KIAA1217: variants seen among roughly 807,000 people sequenced by gnomAD.
KIAA1217 encodes sickle tail protein homolog.
Under a neutral mutation model 163.9 loss-of-function variants are expected in KIAA1217, and 88 were observed. The observed-to-expected ratio is 0.54, with a 90% CI of 0.45 to 0.64. The LOEUF (loss-of-function observed/expected upper bound fraction) is 0.64. Among genes scored for constraint, KIAA1217 ranks in the 30% least tolerant of loss-of-function variants. KIAA1217 has a pLI of 0.00. For synonymous variants in KIAA1217, 903 were observed against 923.1 expected (o/e 0.98, Z 0.39); for missense variants, 2,372 against 2,475.0 (o/e 0.96, Z 0.88).
chr10:24,418,914 C>T (rs979500969), intron 3 of KIAA1217, among the ~76,000 whole-genome samples: 10 of 151,850 alleles, frequency 6.6e-5, no homozygotes, highest in Non-Finnish European at 1.0e-4. Flanking sequence ...CGGTGGCTCA[C>T]GCCTGTAATC....
intron 1 of KIAA1217, among the ~76,000 whole-genome samples, chr10:23,724,759 A>AT (rs909057399): frequency 2.0e-5 from 3 of 152,136 alleles, no homozygotes; most frequent in African/African-American, 7.2e-5. Context: ...CTTCATGTAC[A>AT]TTTTTTATTT....
chr10:23,963,701 A>G (rs1844923566), intron 1 of KIAA1217, among the ~76,000 whole-genome samples: 3 of 152,190 alleles, frequency 2.0e-5, no homozygotes, highest in Admixed American at 2.0e-4. Flanking sequence ...AGTGTCTTCC[A>G]CAATGGCTGA....
rs1035685004 is a variant in KIAA1217 at position 24,357,696 on chromosome 10, G to A, written c.355-23173G>A. On this transcript the variant is annotated intron_variant, in intron 2 of 20. Transcript: ENST00000376454. ...AAGTTTCGTGTTCCAAGGAAGGGGC[G>A]TTTTAGTGAAAATTGTGAAGGGAAA... Among the ~76,000 whole-genome samples, 11 of 152,328 alleles carry A rather than the reference G, an allele frequency of 7.2e-5. No individual in the cohort carries two copies. In the East Asian group the frequency reaches 1.5e-3, roughly 21 times the overall value.
chr10:24,095,995 C>G (rs1251369120), intron 2 of KIAA1217, among the ~76,000 whole-genome samples: 1 of 152,174 alleles, frequency 6.6e-6, no homozygotes, highest in East Asian at 1.9e-4. Flanking sequence ...GTAGTCCCAG[C>G]TACTTGAGAG....
At chr10:24,068,890 T>A (rs1467377826) in intron 2 of KIAA1217, among the ~76,000 whole-genome samples, 1 of 152,234 alleles carries the variant, frequency 6.6e-6, no homozygotes, top group South Asian at 2.1e-4. Context: ...GGGAAGTTTG[T>A]GCATACTAGT....
At chr10:24,153,882 G>A (rs1408631754) in intron 2 of KIAA1217, among the ~76,000 whole-genome samples, 1 of 152,034 alleles carries the variant, frequency 6.6e-6, no homozygotes, top group Non-Finnish European at 1.5e-5. Context: ...GGGAGGGTGA[G>A]GCAGGAGGAT....
chr10:23,879,129 G>A (rs932571000), intron 1 of KIAA1217, among the ~76,000 whole-genome samples: 2 of 151,892 alleles, frequency 1.3e-5, no homozygotes, highest in Admixed American at 6.6e-5. Context: ...TCAAAGCTGC[G>A]AGGCTGGCTG....
intron 2 of KIAA1217, among the ~76,000 whole-genome samples, chr10:24,144,686 T>C (rs1331650538): frequency 6.6e-6 from 1 of 152,168 alleles, no homozygotes; most frequent in Admixed American, 6.5e-5. Context: ...TTTTTATAGA[T>C]CTGAACTTGA....
intron 2 of KIAA1217, among the ~76,000 whole-genome samples, chr10:24,175,936 G>A (rs2065867833): frequency 6.6e-6 from 1 of 152,210 alleles, no homozygotes; most frequent in African/African-American, 2.4e-5. Context: ...GACCCAAAGA[G>A]TGAGCAGCAG....
At chr10:24,390,794 G>A (rs56048424) in intron 3 of KIAA1217, among the ~76,000 whole-genome samples, 78,477 of 152,008 alleles carry the variant, frequency 0.52, 22,827 homozygotes, top group African/African-American at 0.8. Context: ...GTATAGTGAA[G>A]CATGTTTTGT....
chr10:24,239,105 C>G (rs1361842696), intron 2 of KIAA1217: 1 of 964,052 alleles, frequency 1.0e-6, no homozygotes, highest in East Asian at 1.1e-4. Flanking sequence ...CATGTCAAGA[C>G]AGCCGATTTA....
chr10:24,033,996 C>A (rs1848292723), intron 2 of KIAA1217, among the ~76,000 whole-genome samples: 1 of 152,042 alleles, frequency 6.6e-6, no homozygotes, highest in African/African-American at 2.4e-5. Context: ...TAAGGAAGGA[C>A]CAAGTAAAAA....
chr10:24,427,408 C>A (rs1487659405), intron 3 of KIAA1217, among the ~76,000 whole-genome samples: 1 of 152,154 alleles, frequency 6.6e-6, no homozygotes, highest in Non-Finnish European at 1.5e-5. Flanking sequence ...GAGCTAAATG[C>A]AGGATTTCAG....
chr10:24,447,586 C>T (rs1378185538), intron 5 of KIAA1217, among the ~76,000 whole-genome samples: 6 of 152,298 alleles, frequency 3.9e-5, no homozygotes, highest in South Asian at 2.1e-4. Flanking sequence ...GTGGCTCTCT[C>T]GGACAATGCC....
intron 2 of KIAA1217, among the ~76,000 whole-genome samples, chr10:24,089,926 G>A (rs941549357): frequency 2.6e-5 from 4 of 151,722 alleles, no homozygotes; most frequent in African/African-American, 9.7e-5. Context: ...TTTCTTCACA[G>A]AGTTAGAAAA....
intron 3 of KIAA1217, among the ~76,000 whole-genome samples, chr10:24,398,700 T>G (rs2056156131): frequency 1.3e-5 from 2 of 152,068 alleles, no homozygotes; most frequent in African/African-American, 4.8e-5. Context: ...GCCGCCCGCA[T>G]GCACAGTGAC....
At chr10:24,248,766 G>A (rs2074145746) in intron 2 of KIAA1217, among the ~76,000 whole-genome samples, 1 of 150,936 alleles carries the variant, frequency 6.6e-6, no homozygotes, top group African/African-American at 2.4e-5. Flanking sequence ...AAGGTGTTTA[G>A]GTTTTCATAT....
At chr10:24,083,780 G>A (rs1009607788) in intron 2 of KIAA1217, among the ~76,000 whole-genome samples, 1 of 152,166 alleles carries the variant, frequency 6.6e-6, no homozygotes, top group African/African-American at 2.4e-5. Context: ...TGGGGAGAGG[G>A]AGAGGGAGGA....
chr10:24,470,500 G>A (rs945155017), intron 5 of KIAA1217, among the ~76,000 whole-genome samples: 7 of 152,162 alleles, frequency 4.6e-5, no homozygotes, highest in African/African-American at 9.7e-5. Flanking sequence ...GGATCCCCAA[G>A]AACTAGCACA....
Sources: gnomAD v4.1 joint callset for allele counts (sites outside exome capture counted in the v4.1 genomes callset) on GRCh38, gnomAD v4.1.1 for gene constraint, MANE v1.5 for transcripts, NCBI Gene and HGNC (gene_info 2026-07-23, HGNC 2026-07-21) for gene names.